FBXL20: variants seen among roughly 807,000 people sequenced by gnomAD.
FBXL20 encodes the protein F-box/LRR-repeat protein 20.
A neutral mutation model predicts 64.0 loss-of-function variants in FBXL20; 11 were observed. The observed-to-expected ratio is 0.17, with a 90% CI of 0.11 to 0.28. The LOEUF (loss-of-function observed/expected upper bound fraction) is 0.28. FBXL20 is among the 10% of genes least tolerant of loss of function. FBXL20 has a pLI of 1.00. For synonymous variants in FBXL20, 184 were observed against 189.0 expected (o/e 0.97, Z 0.22); for missense variants, 303 against 526.2 (o/e 0.58, Z 4.15).
intron 2 of FBXL20, among the ~76,000 whole-genome samples, chr17:39,334,340 A>C (rs1174125220): frequency 6.6e-6 from 1 of 152,160 alleles, no homozygotes; most frequent in Non-Finnish European, 1.5e-5. Flanking sequence ...TGCGGAAGGC[A>C]GCAGGGCCCA....
chr17:39,330,163 G>A (rs900259910), intron 2 of FBXL20, among the ~76,000 whole-genome samples: 2 of 151,688 alleles, frequency 1.3e-5, no homozygotes, highest in African/African-American at 4.9e-5. Context: ...CGGGCATGAT[G>A]GTGGCTGCCT....
chr17:39,341,132 T>C (rs1476565761), intron 2 of FBXL20, among the ~76,000 whole-genome samples: 1 of 152,136 alleles, frequency 6.6e-6, no homozygotes, highest in Non-Finnish European at 1.5e-5. Flanking sequence ...TTAAGTGTTT[T>C]GTGGTGTCAA....
rs1237046402 is a variant in FBXL20, at chr17:39,363,816, AAAAAAAAAAAC to A, written c.43-20586_43-20576del. 7.8e-4 allele frequency among the ~76,000 whole-genome samples: 113 copies of A among 144,050 alleles called. 3 individuals carry two copies. Among genetic ancestry groups the A allele is most frequent in the East Asian group, 1.7e-3 (8 of 4,842 alleles). 94.5% of individuals were successfully genotyped at this position (144,050 alleles called of 152,430 possible). A position where few individuals can be genotyped will look rare whatever the true frequency, so the allele number is the denominator to read the frequency against. On this transcript the variant is annotated intron_variant, in intron 1 of 14. Transcript: ENST00000264658. Reference sequence around the variant, plus strand: ...ACAGAGCAAGACTTTATCTCAAAAAAAAAAAAAAAACAAAAAACAAAAAAAAAAACAATAAA... The same window carrying A: ...ACAGAGCAAGACTTTATCTCAAAAAAAAAAAACAAAAAAAAAAACAATAAA...
chr17:39,297,286 TTG>T, intron 5 of FBXL20, 91 bp from the exon 6 acceptor site: 3 of 724,800 alleles, frequency 4.1e-6, no homozygotes, highest in Non-Finnish European at 4.6e-6. Flanking sequence ...ATTGGTAATA[TTG>T]ATTGTTGATA....
chr17:39,282,693 T>C, intron 8 of FBXL20, 36 bp downstream of exon 8: 2 of 1,613,846 alleles, frequency 1.2e-6, no homozygotes, highest in Non-Finnish European at 1.7e-6. Flanking sequence ...CATTCACGAT[T>C]CTTCCGAATT....
At position 39,303,597 on chromosome 17, in the gene FBXL20, A is replaced by G. The variant is rs1371179350; in HGVS notation, c.147T>C (p.Ala49=). 6.2e-7 allele frequency: 1 copy of G among 1,611,310 alleles called. No homozygotes were observed. The highest frequency in any genetic ancestry group is 2.2e-5 in the East Asian group (1 of 44,872). The change falls in exon 3 of 15, where the codon GCT becomes GCC. Residue 49 remains alanine (A), a synonymous_variant. Coordinates refer to ENST00000264658, the MANE Select transcript of FBXL20 (RefSeq NM_032875.3). ...CAACAATACTTACCCTGGAGACCTG[A>G]GCACAGCGGCACAGGGTAACAACAT... is the stretch of plus-strand genomic sequence containing the variant. ...FLDVVTLCRC[A]QVSRAWNVLA...
intron 1 of FBXL20, among the ~76,000 whole-genome samples, chr17:39,361,746 G>A (rs541303364): frequency 6.6e-6 from 1 of 151,590 alleles, no homozygotes; most frequent in African/African-American, 2.4e-5. Flanking sequence ...GCAGTGAGCC[G>A]AGATCGCACC....
chr17:39,366,535 A>T (rs2047861465), intron 1 of FBXL20, among the ~76,000 whole-genome samples: 1 of 152,150 alleles, frequency 6.6e-6, no homozygotes, highest in South Asian at 2.1e-4. Context: ...TTTTTAAGGG[A>T]ACATCTCACA....
intron 1 of FBXL20, among the ~76,000 whole-genome samples, chr17:39,355,855 CAAAAAAAAAA>C: frequency 1.5e-5 from 1 of 67,604 alleles, no homozygotes; most frequent in Admixed American, 1.7e-4. Flanking sequence ...GACTTCGTCT[CAAAAAAAAAA>C]AAAAAAAAAA....
At chr17:39,381,785 C>T (rs2048025636) in intron 1 of FBXL20, among the ~76,000 whole-genome samples, 2 of 148,794 alleles carry the variant, frequency 1.3e-5, no homozygotes. Flanking sequence ...AGAGCAAGAC[C>T]CTCTCTGAAG....
intron 1 of FBXL20, among the ~76,000 whole-genome samples, chr17:39,348,809 T>G (rs746664725): frequency 2.0e-5 from 3 of 152,248 alleles, no homozygotes; most frequent in Non-Finnish European, 4.4e-5. Context: ...ATGCTCCCCC[T>G]TCGGCCTCCT....
chr17:39,315,833 G>GAA (rs2047284409), intron 2 of FBXL20, among the ~76,000 whole-genome samples: 1 of 42,770 alleles, frequency 2.3e-5, no homozygotes, highest in Non-Finnish European at 4.0e-5. Flanking sequence ...GAGAGACAGA[G>GAA]AGAGAGAGAG....
At chr17:39,286,664 G>A (rs1457278621) in intron 6 of FBXL20, among the ~76,000 whole-genome samples, 4 of 151,952 alleles carry the variant, frequency 2.6e-5, no homozygotes, top group Non-Finnish European at 5.9e-5. Context: ...TGAGCGTGGT[G>A]GCACATGCCT....
rs151156879 is a variant in FBXL20 at position 39,394,240 on chromosome 17, C to T, written c.42+7121G>A. On this transcript the variant is annotated intron_variant, in intron 1 of 14. Coordinates refer to ENST00000264658, the MANE Select transcript of FBXL20 (RefSeq NM_032875.3). ...ATTTTATTTTGAACATCTAAAAATA[C>T]CCTTCTAAAAACCACAGTACTAGTT... Among the ~76,000 whole-genome samples, 17 of 151,956 alleles carry T rather than the reference C, an allele frequency of 1.1e-4. No individual in the cohort carries two copies. The East Asian group carries it at 3.3e-3, about 29-fold the overall frequency.
At chr17:39,287,634 G>T (rs140988582) in intron 6 of FBXL20, among the ~76,000 whole-genome samples, 5 of 152,052 alleles carry the variant, frequency 3.3e-5, no homozygotes, top group African/African-American at 9.6e-5. Context: ...CGAACTTTTG[G>T]CCTCAAGTGA....
rs556458720 is a variant in FBXL20 at position 39,322,964 on chromosome 17, C to A, written c.105-19325G>T. 1.4e-3 allele frequency among the ~76,000 whole-genome samples: 206 copies of A among 146,418 alleles called. 1 individual carries two copies. The highest frequency in any genetic ancestry group is 5.1e-3 in the African/African-American group (201 of 39,078). On this transcript the variant is annotated intron_variant, in intron 2 of 14. Transcript: ENST00000264658. ...GGACTACAGGCACCAGCCACCACGC[C>A]CAGCTAATTTTTTTTTTTTTTTTTG...
intron 1 of FBXL20, among the ~76,000 whole-genome samples, chr17:39,377,704 G>T (rs1234793157): frequency 1.3e-5 from 2 of 152,116 alleles, no homozygotes; most frequent in Non-Finnish European, 2.9e-5. Context: ...GGGTTTCACC[G>T]TGTTAGCCAG....
chr17:39,265,353 G>C (rs1172990714), intron 13 of FBXL20, 44 bp downstream of exon 13: 1 of 1,469,794 alleles, frequency 6.8e-7, no homozygotes, highest in Non-Finnish European at 9.5e-7. Context: ...ACTGGCTTTT[G>C]ATTAAACCCA....
intron 1 of FBXL20, among the ~76,000 whole-genome samples, chr17:39,373,730 A>AG (rs2047939675): frequency 6.6e-6 from 1 of 152,192 alleles, no homozygotes; most frequent in Admixed American, 6.5e-5. Context: ...CTAGCCTACT[A>AG]GGCTGTAGTT....
Sources: allele counts gnomAD v4.1 joint callset (sites outside exome capture counted in the v4.1 genomes callset), GRCh38; gene constraint gnomAD v4.1.1; transcripts MANE v1.5; gene names NCBI Gene and HGNC (gene_info 2026-07-23, HGNC 2026-07-21).